The following CRAT variants were observed in gnomAD, a reference collection of about 807,000 sequenced individuals.
CRAT encodes carnitine acetylase.
CRAT carries 66 observed loss-of-function variants against 73.7 expected under a neutral mutation model. That is an observed-to-expected ratio of 0.90 (90% CI 0.73 to 1.10). The LOEUF (loss-of-function observed/expected upper bound fraction) is 1.10, where lower values mean the gene tolerates loss of function less well. CRAT is among the 50% of genes least tolerant of loss of function. The probability of loss-of-function intolerance (pLI) is 0.00; values close to 1 mark genes in which losing one functional copy is unlikely to be tolerated. For missense variants in CRAT, 745 were observed against 846.9 expected (o/e 0.88, Z 1.49); for synonymous variants, 321 against 343.2 (o/e 0.94, Z 0.71).
chr9:129,109,262 A>C, intron 1 of CRAT: 1 of 1,304,200 alleles, frequency 7.7e-7, no homozygotes, highest in Non-Finnish European at 1.0e-6. Context: ...GTTACACCAC[A>C]GCCCTGGGAT....
rs1848388460 is a variant in CRAT, at chr9:129,110,725, C to T, written c.-216G>A. ...CACCCGGGGAGGAGGACTCGCGAGG[C>T]GGGGCCTGGGCCGGTAGCGGGCCCC... On this transcript the variant is annotated 5_prime_UTR_variant, in exon 1 of 14. Coordinates refer to ENST00000318080, the MANE Select transcript of CRAT (RefSeq NM_000755.5). This position sits in a 1 kb window ranked among gnomAD's most constrained non-coding sequence, Gnocchi z 5.3. The T allele has an allele frequency of 8.2e-6, 5 of 612,998 alleles. No individual in the cohort carries two copies. In the Admixed American group the frequency reaches 1.3e-4, roughly 15 times the overall value. The allele number at this position is 612,998 out of a possible 1,614,324, so 38.0% of individuals were successfully genotyped here. A position where few individuals can be genotyped will look rare whatever the true frequency, so the allele number is the denominator to read the frequency against.
intron 8 of CRAT, 143 bp from the exon 9 acceptor site, chr9:129,098,793 A>G: frequency 2.3e-6 from 2 of 880,390 alleles, no homozygotes; most frequent in East Asian, 6.5e-5. Context: ...AACCACCCTC[A>G]CTTCAGCTTT....
At chr9:129,100,478 T>C in intron 7 of CRAT, 33 bp downstream of exon 7, 1 of 1,595,928 alleles carries the variant, frequency 6.3e-7, no homozygotes, top group East Asian at 2.2e-5. Context: ...TGTTCAGGTG[T>C]GTGTGAGTGG....
intron 8 of CRAT, 74 bp from the exon 9 acceptor site, chr9:129,098,724 G>A (rs1286972399): frequency 3.9e-6 from 6 of 1,524,254 alleles, no homozygotes; most frequent in Non-Finnish European, 5.2e-6. Context: ...CCAGGGTGGG[G>A]AGGATGGGTA....
chr9:129,097,838 C>T lies in CRAT; in HGVS notation c.1464+175G>A, dbSNP rs1253140017. 4 of 871,090 alleles carry T rather than the reference C, an allele frequency of 4.6e-6. No individual in the cohort carries two copies. The South Asian group carries it at 5.4e-5, about 12-fold the overall frequency. The allele number at this position is 871,090 out of a possible 1,614,324, so 54.0% of individuals were successfully genotyped here. A position where few individuals can be genotyped will look rare whatever the true frequency, so the allele number is the denominator to read the frequency against. On this transcript the variant is annotated intron_variant, in intron 11 of 13. Coordinates refer to ENST00000318080, the MANE Select transcript of CRAT (RefSeq NM_000755.5). Reference sequence around the variant, plus strand: ...ATGAACAAATGAATGACTCCCTTTTCCTCTTTGGTCCCCAGGAAGCTCAGA... The same window carrying T: ...ATGAACAAATGAATGACTCCCTTTTTCTCTTTGGTCCCCAGGAAGCTCAGA...
chr9:129,095,387 T>A lies in CRAT; in HGVS notation c.*10A>T. On this transcript the variant is annotated 3_prime_UTR_variant, in exon 14 of 14. Transcript: ENST00000318080. ...TGGCTGTGGCATTGGCAGGCCTGAG[T>A]CCTAGGGGCTCAGAGCTTGGCCCGG... The A allele has an allele frequency of 6.2e-7, 1 of 1,607,676 alleles. No individual in the cohort carries two copies. The highest frequency in any genetic ancestry group is 8.5e-7 in the Non-Finnish European group (1 of 1,179,482).
At chr9:129,099,426 ATT>A (rs55884891) in intron 8 of CRAT, among the ~76,000 whole-genome samples, 113,746 of 121,444 alleles carry the variant, frequency 0.94, 53,443 homozygotes, top group Non-Finnish European at 0.98. Flanking sequence ...ACCTGGCCTA[ATT>A]TTTTTTTTTT....
In CRAT at chr9:129,109,129, G is replaced by T. The variant is rs1389805852; in HGVS notation, c.28-1052C>A. On this transcript the variant is annotated intron_variant, in intron 1 of 13. Coordinates refer to ENST00000318080, the MANE Select transcript of CRAT (RefSeq NM_000755.5). ...TGGAAAGTTCTTTCCTTTCTTCTCT[G>T]CATGGGCTCAGTGCCAGGGAGTCAG... 7.1e-5 allele frequency: 93 copies of T among 1,303,570 alleles called. No individual in the cohort carries two copies. The Admixed American group carries it at 1.6e-3, about 23-fold the overall frequency. 80.8% of individuals were successfully genotyped at this position (1,303,570 alleles called of 1,614,324 possible). A position where few individuals can be genotyped will look rare whatever the true frequency, so the allele number is the denominator to read the frequency against.
chr9:129,097,474 C>T (rs903651177), intron 11 of CRAT, among the ~76,000 whole-genome samples, 162 bp from the exon 12 acceptor site: 8 of 152,100 alleles, frequency 5.3e-5, no homozygotes, highest in African/African-American at 1.4e-4. Flanking sequence ...TTTGGGAGGC[C>T]GAGGCAGGTG....
At chr9:129,104,126 G>T in intron 3 of CRAT, 62 bp downstream of exon 3, 2 of 1,288,020 alleles carry the variant, frequency 1.6e-6, no homozygotes, top group Non-Finnish European at 2.2e-6. Flanking sequence ...CCTCCAAGCG[G>T]CTGGGCGAAG....
rs1314375419 is a variant in CRAT at position 129,103,198 on chromosome 9, G to T, written c.411-132C>A. 2.5e-6 allele frequency: 2 copies of T among 784,454 alleles called. No individual in the cohort carries two copies. The highest frequency in any genetic ancestry group is 1.9e-5 in the Admixed American group (1 of 52,788). 48.6% of individuals were successfully genotyped at this position (784,454 alleles called of 1,614,324 possible). A position where few individuals can be genotyped will look rare whatever the true frequency, so the allele number is the denominator to read the frequency against. On this transcript the variant is annotated intron_variant, in intron 3 of 13. Transcript: ENST00000318080. The surrounding 1 kb of genome is among the most constrained non-coding windows in gnomAD (Gnocchi z 4.6). ...CACCGCTTCCAGAAAGCCTGGGAGC[G>T]CAAGGGAGGGGCCTGCGAGTCCCAG...
chr9:129,099,409 C>CCA (rs1847512823), intron 8 of CRAT, among the ~76,000 whole-genome samples: 1 of 145,892 alleles, frequency 6.9e-6, no homozygotes. Context: ...TAGGCATGAG[C>CCA]CACTGCACCT....
rs368061535 is a variant in CRAT at position 129,108,071 on chromosome 9, G to C, written c.34C>G (p.Pro12Ala). 22 of 1,514,264 alleles carry C rather than the reference G, an allele frequency of 1.5e-5. No homozygotes were observed. Among genetic ancestry groups the C allele is most frequent in the Non-Finnish European group, 2.6e-6 (3 of 1,138,394 alleles). The allele number at this position is 1,514,264 out of a possible 1,614,324, so 93.8% of individuals were successfully genotyped here. The part of the protein sequence containing the change: ...LAFAARTVVK[P>A]LGFLKPFSLM... ...GAGAAGGGCTTCAGGAAGCCCAGAGGCTTCACCTGCAGGTAGCAGAACATC... is the reference window on the plus strand; with the variant it reads ...GAGAAGGGCTTCAGGAAGCCCAGAGCCTTCACCTGCAGGTAGCAGAACATC... The change falls in exon 2 of 14, where the codon CCT (proline) becomes GCT (alanine). Residue 12 changes from proline (P) to alanine (A), a missense_variant. By Grantham distance (27) the Pro-to-Ala change is conservative. Transcript: ENST00000318080.
At chr9:129,098,485 C>T (rs574103687) in intron 9 of CRAT, 46 bp downstream of exon 9, 1 of 1,591,506 alleles carries the variant, frequency 6.3e-7, no homozygotes, top group Admixed American at 1.7e-5. Flanking sequence ...GCTCAAGGGC[C>T]TGGCCTCACC....
chr9:129,097,126 G>T, intron 12 of CRAT, 124 bp downstream of exon 12: 1 of 783,896 alleles, frequency 1.3e-6, no homozygotes, highest in Non-Finnish European at 2.0e-6. Flanking sequence ...GTGCTCCCAG[G>T]TTGGGGGAGA....
intron 11 of CRAT, chr9:129,097,776 G>A (rs552137703): frequency 1.8e-6 from 1 of 564,004 alleles, no homozygotes; most frequent in Admixed American, 3.3e-5. Flanking sequence ...GCCAGGGCCT[G>A]ACATAGGGCA....
In CRAT at chr9:129,107,843, C is replaced by T. The variant is rs752545811; in HGVS notation, c.262G>A (p.Glu88Lys). The part of the protein sequence containing the change: ...GVGERLQKGL[E>K]RRARKTENWL... ...TTCTCCGTCTTCCTGGCCCGACGCT[C>T]CAGCCCCTTCTGCAGGCGCTCCCCT... Residue 88 changes from glutamate (E) to lysine (K), a missense_variant, in exon 2 of 14, where the codon GAG (glutamate) becomes AAG (lysine). Physicochemically the swap from Glu to Lys is moderately conservative, Grantham distance 56. Transcript: ENST00000318080. This position sits in a 1 kb window ranked among gnomAD's most constrained non-coding sequence, Gnocchi z 5.0. 7 of 1,612,962 alleles carry T rather than the reference C, an allele frequency of 4.3e-6. No individual in the cohort carries two copies. The highest frequency in any genetic ancestry group is 1.6e-4 in the Middle Eastern group (1 of 6,062).
intron 1 of CRAT, 107 bp from the exon 2 acceptor site, chr9:129,108,184 C>A: frequency 7.2e-7 from 1 of 1,383,204 alleles, no homozygotes; most frequent in Non-Finnish European, 9.5e-7. Flanking sequence ...GGGGCAGAGA[C>A]GGCCTCTTGG....
rs765822324 is a variant in CRAT, at chr9:129,101,863, G to C, written c.805+20C>G. 1 of 1,610,808 alleles carries C rather than the reference G, an allele frequency of 6.2e-7. No individual in the cohort carries two copies. Among genetic ancestry groups the C allele is most frequent in the African/African-American group, 1.3e-5 (1 of 74,904 alleles). On this transcript the variant is annotated intron_variant, in intron 6 of 13. Transcript: ENST00000318080. The stretch of plus-strand genomic sequence containing the variant: ...GAAGAGGCCTGGGTGTGCAGCCCCA[G>C]CACGGCCCCCAAGAGGCACCTTTGA...
Sources: allele counts gnomAD v4.1 joint callset (sites outside exome capture counted in the v4.1 genomes callset), GRCh38; gene constraint gnomAD v4.1.1; non-coding constraint Gnocchi (gnomAD v3.1); transcripts MANE v1.5; gene names NCBI Gene and HGNC (gene_info 2026-07-23, HGNC 2026-07-21).